The following HS6ST2 variants were observed in gnomAD, a reference collection of about 807,000 sequenced individuals.
HS6ST2 encodes the protein heparan sulfate 6-O-sulfotransferase 2.
A neutral mutation model predicts 33.0 loss-of-function variants in HS6ST2; 17 were observed. The ratio of observed to expected loss-of-function variants is 0.52; its 90% CI spans 0.35 to 0.77. The LOEUF (loss-of-function observed/expected upper bound fraction) is 0.77, where lower values mean the gene tolerates loss of function less well. Among genes scored for constraint, HS6ST2 ranks in the 30% least tolerant of loss-of-function variants. The pLI, the probability that HS6ST2 is intolerant of heterozygous loss-of-function variation, is 0.01. For synonymous variants in HS6ST2, 248 were observed against 237.1 expected, an observed-to-expected ratio of 1.05 and a Z score of -0.42; for missense variants, 519 against 551.7, an observed-to-expected ratio of 0.94 and a Z score of 0.59.
chrX:132,662,880 C>G (rs2063783961), intron 4 of HS6ST2, among the ~76,000 whole-genome samples: 1 of 111,990 alleles, frequency 8.9e-6, no homozygotes, highest in African/African-American at 3.3e-5. Context: ...ATTTCAGTAA[C>G]TGGCAAAAGC....
chrX:132,811,685 AATATATATATATATATAT>A (rs56390608), intron 2 of HS6ST2, among the ~76,000 whole-genome samples: 10 of 29,808 alleles, frequency 3.4e-4, no homozygotes, highest in African/African-American at 1.1e-3. Context: ...AAGGCTGAAT[AATATATATATATATATAT>A]ATATATATAT....
intron 2 of HS6ST2, among the ~76,000 whole-genome samples, chrX:132,738,713 G>C (rs2064534731): frequency 8.9e-6 from 1 of 111,866 alleles, no homozygotes; most frequent in African/African-American, 3.3e-5. Context: ...TTGCAGCAAG[G>C]TGGACTCATT....
rs769924864 is a variant in HS6ST2 at position 132,712,100 on chromosome X, C to T, written c.948-3606G>A. Among the ~76,000 whole-genome samples, 5 of 112,214 alleles carry T rather than the reference C, an allele frequency of 4.5e-5. No homozygotes were observed. In the South Asian group the frequency reaches 1.1e-3, roughly 25 times the overall value. The stretch of plus-strand genomic sequence containing the variant: ...CTCTATGATAAATAACTGCCTACCA[C>T]TGTTCCAGAGCTGCCAAGCAAATGG... On this transcript the variant is annotated intron_variant, in intron 2 of 4. Coordinates refer to ENST00000370833, the MANE Select transcript of HS6ST2 (RefSeq NM_001394073.1).
intron 2 of HS6ST2, among the ~76,000 whole-genome samples, chrX:132,844,168 G>T (rs773407343): frequency 9.0e-6 from 1 of 111,672 alleles, no homozygotes; most frequent in South Asian, 3.8e-4. Context: ...TTTTGGGGGA[G>T]TGGGGATGAA....
intron 2 of HS6ST2, among the ~76,000 whole-genome samples, chrX:132,897,513 C>G (rs2066387212): frequency 9.0e-6 from 1 of 111,458 alleles, no homozygotes; most frequent in Admixed American, 9.6e-5. Flanking sequence ...AGTAATAGCA[C>G]CCACCTCATA....
intron 2 of HS6ST2, among the ~76,000 whole-genome samples, chrX:132,847,623 C>G (rs1366257273): frequency 9.0e-6 from 1 of 111,335 alleles, no homozygotes; most frequent in Non-Finnish European, 1.9e-5. Flanking sequence ...CTAGTGAGAC[C>G]ACATCTGAAC....
chrX:132,706,431 A>C (rs145661588), intron 3 of HS6ST2, among the ~76,000 whole-genome samples: 1 of 112,253 alleles, frequency 8.9e-6, no homozygotes, highest in South Asian at 3.7e-4. Flanking sequence ...AAAATCCAAC[A>C]AAATAATTTG....
intron 2 of HS6ST2, among the ~76,000 whole-genome samples, chrX:132,866,372 G>T (rs760102027): frequency 1.3e-3 from 132 of 99,684 alleles, no homozygotes; most frequent in African/African-American, 4.1e-3. Flanking sequence ...TGCTGTTTTG[G>T]TTACTGTAGC....
At chrX:132,894,846 A>G (rs1324848447) in intron 2 of HS6ST2, among the ~76,000 whole-genome samples, 1 of 112,143 alleles carries the variant, frequency 8.9e-6, no homozygotes, top group Non-Finnish European at 1.9e-5. Flanking sequence ...TATTTTTATA[A>G]TATAAAAGAT....
At chrX:132,793,521 T>C (rs924647172) in intron 2 of HS6ST2, among the ~76,000 whole-genome samples, 2 of 111,760 alleles carry the variant, frequency 1.8e-5, no homozygotes, top group Non-Finnish European at 3.8e-5. Flanking sequence ...TGTATCTTTA[T>C]TGGCCTGCTA....
At chrX:132,907,258 C>A (rs2066484344) in intron 2 of HS6ST2, 1 of 112,420 alleles carries the variant, frequency 8.9e-6, no homozygotes, top group African/African-American at 3.3e-5. Flanking sequence ...AAGGGCCAAC[C>A]AAAGGCACCC....
chrX:132,664,895 T>C (rs2063798368), intron 4 of HS6ST2, among the ~76,000 whole-genome samples: 1 of 111,976 alleles, frequency 8.9e-6, no homozygotes, highest in Non-Finnish European at 1.9e-5. Context: ...GTGTGTCTGT[T>C]TGTCTATCTA....
chrX:132,768,355 A>C (rs1471396385), intron 2 of HS6ST2, among the ~76,000 whole-genome samples: 1 of 107,699 alleles, frequency 9.3e-6, no homozygotes, highest in Non-Finnish European at 1.9e-5. Flanking sequence ...AAAAAAAAAA[A>C]CTCAGGGTGA....
At chrX:132,837,359 G>A (rs2065654575) in intron 2 of HS6ST2, among the ~76,000 whole-genome samples, 1 of 101,577 alleles carries the variant, frequency 9.8e-6, no homozygotes, top group Non-Finnish European at 2.0e-5. Flanking sequence ...GTGTGTGTGT[G>A]TAAATAGACG....
At chrX:132,781,938 C>A (rs968040953) in intron 2 of HS6ST2, among the ~76,000 whole-genome samples, 10 of 111,765 alleles carry the variant, frequency 8.9e-5, no homozygotes, top group African/African-American at 2.9e-4. Context: ...GAACAGAGGT[C>A]AGATGAACAA....
chrX:132,786,828 G>A (rs1483263142), intron 2 of HS6ST2, among the ~76,000 whole-genome samples: 1 of 108,304 alleles, frequency 9.2e-6, no homozygotes, highest in Non-Finnish European at 1.9e-5. Context: ...CACCATGTTG[G>A]TCAGGCTGGT....
upstream of HS6ST2, among the ~76,000 whole-genome samples, chrX:132,961,036 C>A (rs1221985805): frequency 3.7e-5 from 4 of 108,501 alleles, no homozygotes; most frequent in African/African-American, 1.4e-4. Flanking sequence ...CGGCTGGTCT[C>A]TGCTCCCAGG....
chrX:132,879,324 C>T (rs1321374120), intron 2 of HS6ST2, among the ~76,000 whole-genome samples: 2 of 111,779 alleles, frequency 1.8e-5, no homozygotes, highest in East Asian at 5.6e-4. Context: ...CACTCATTGC[C>T]TAACAGCCAC....
intron 2 of HS6ST2, among the ~76,000 whole-genome samples, chrX:132,801,768 T>A (rs1393966111): frequency 8.9e-6 from 1 of 112,280 alleles, no homozygotes; most frequent in Non-Finnish European, 1.9e-5. Context: ...AATGTGTGCA[T>A]CCTCAAAGGA....
Sources: gnomAD v4.1 joint callset for allele counts (sites outside exome capture counted in the v4.1 genomes callset) on GRCh38, gnomAD v4.1.1 for gene constraint, MANE v1.5 for transcripts, NCBI Gene and HGNC (gene_info 2026-07-23, HGNC 2026-07-21) for gene names.